Variants in ZFYVE9 observed in about 807,000 individuals in gnomAD.
The protein encoded by ZFYVE9 is zinc finger FYVE-type containing 9.
ZFYVE9 carries 43 observed loss-of-function variants against 126.7 expected under a neutral mutation model. The observed-to-expected ratio is 0.34, with a 90% CI of 0.27 to 0.44. ZFYVE9 has a LOEUF of 0.44. Among genes scored for constraint, ZFYVE9 ranks in the 20% least tolerant of loss-of-function variants. The probability of loss-of-function intolerance (pLI) is 1.00; values close to 1 mark genes in which losing one functional copy is unlikely to be tolerated. For missense variants in ZFYVE9, 1,476 were observed against 1,697.0 expected (o/e 0.87, Z 2.29); for synonymous variants, 521 against 597.4 (o/e 0.87, Z 1.87).
intron 1 of ZFYVE9, among the ~76,000 whole-genome samples, chr1:52,174,295 T>G (rs1342316953): frequency 2.0e-5 from 3 of 151,680 alleles, no homozygotes; most frequent in Non-Finnish European, 4.4e-5. Context: ...TTGTTCAGTT[T>G]CCATGTAGTT....
At chr1:52,316,055 C>G (rs1272351201) in intron 13 of ZFYVE9, among the ~76,000 whole-genome samples, 1 of 145,426 alleles carries the variant, frequency 6.9e-6, no homozygotes, top group Non-Finnish European at 1.5e-5. Context: ...GTCCCACCTA[C>G]TCGGGAGGCT....
chr1:52,245,386 CAGAT>C lies in ZFYVE9; in HGVS notation c.2178+5796_2178+5799del, dbSNP rs369734361. ...GCTGCAGATGCTCTGCAGTGGGAAG[CAGAT>C]AGATTGTGGTGGTGGTGGTGGTTGT... On this transcript the variant is annotated intron_variant, in intron 4 of 18. Coordinates refer to ENST00000287727, the MANE Select transcript of ZFYVE9 (RefSeq NM_004799.4). Among the ~76,000 whole-genome samples, 46 of 152,086 alleles carry C rather than the reference CAGAT, an allele frequency of 3.0e-4. 4 individuals are homozygous for C. In the South Asian group the frequency reaches 8.7e-3, roughly 29 times the overall value.
chr1:52,334,186 GGATTA>G (rs776044153), intron 14 of ZFYVE9, among the ~76,000 whole-genome samples: 263 of 152,138 alleles, frequency 1.7e-3, no homozygotes, highest in Middle Eastern at 0.017. Flanking sequence ...GAAAATCAAT[GGATTA>G]GATTGGGGGT....
intron 13 of ZFYVE9, among the ~76,000 whole-genome samples, chr1:52,318,180 A>G (rs1306667412): frequency 1.3e-5 from 2 of 152,332 alleles, no homozygotes; most frequent in Middle Eastern, 3.4e-3. Context: ...AACAATACAT[A>G]AAATAATAAT....
chr1:52,286,048 TG>T (rs1034815377), intron 10 of ZFYVE9, among the ~76,000 whole-genome samples: 4 of 150,680 alleles, frequency 2.7e-5, no homozygotes, highest in African/African-American at 9.8e-5. Context: ...CCCAGCTACT[TG>T]GGAGGCTGAG....
At chr1:52,195,832 G>A (rs371097055) in intron 1 of ZFYVE9, among the ~76,000 whole-genome samples, 4 of 150,404 alleles carry the variant, frequency 2.7e-5, no homozygotes, top group East Asian at 2.0e-4. Flanking sequence ...TCACTCTGTC[G>A]CCCAGGCTGG....
intron 8 of ZFYVE9, among the ~76,000 whole-genome samples, chr1:52,277,518 T>C (rs899786208): frequency 2.0e-5 from 3 of 152,222 alleles, no homozygotes; most frequent in African/African-American, 7.2e-5. Context: ...TAAAAAATTT[T>C]AAACTCAGGA....
intron 6 of ZFYVE9, 59 bp from the exon 7 acceptor site, chr1:52,268,404 A>T: frequency 6.5e-7 from 1 of 1,545,758 alleles, no homozygotes; most frequent in Non-Finnish European, 8.8e-7. Flanking sequence ...CTCTTCTTTG[A>T]TGTTAGAAAA....
chr1:52,259,681 C>A (rs1264725189), intron 4 of ZFYVE9, among the ~76,000 whole-genome samples: 1 of 151,270 alleles, frequency 6.6e-6, no homozygotes, highest in Non-Finnish European at 1.5e-5. Flanking sequence ...CCTGTAATCC[C>A]AGCTGTTCAG....
At chr1:52,251,159 C>CCT (rs1344773482) in intron 4 of ZFYVE9, among the ~76,000 whole-genome samples, 2 of 152,046 alleles carry the variant, frequency 1.3e-5, no homozygotes, top group Non-Finnish European at 2.9e-5. Flanking sequence ...GCAACCTCTG[C>CCT]CTCTCGGGTT....
At chr1:52,295,300 C>T (rs910021697) in intron 11 of ZFYVE9, among the ~76,000 whole-genome samples, 2 of 150,642 alleles carry the variant, frequency 1.3e-5, no homozygotes, top group African/African-American at 4.9e-5. Context: ...TGGATCGTAT[C>T]AATTCAGTTT....
At chr1:52,333,827 A>T (rs940139628) in intron 14 of ZFYVE9, among the ~76,000 whole-genome samples, 3 of 151,550 alleles carry the variant, frequency 2.0e-5, no homozygotes, top group Non-Finnish European at 4.4e-5. Context: ...ATGGTGGCTC[A>T]CGCCTGTAAT....
intron 1 of ZFYVE9, among the ~76,000 whole-genome samples, chr1:52,212,795 T>C (rs538166507): frequency 7.9e-5 from 12 of 152,300 alleles, no homozygotes; most frequent in African/African-American, 2.9e-4. Flanking sequence ...AGTGTAGTCG[T>C]TTTGTAAAGA....
intron 4 of ZFYVE9, among the ~76,000 whole-genome samples, chr1:52,247,354 C>T (rs1294771438): frequency 6.6e-6 from 1 of 152,094 alleles, no homozygotes; most frequent in Non-Finnish European, 1.5e-5. Context: ...TCTGCTGATA[C>T]ATTCTAAATA....
intron 4 of ZFYVE9, chr1:52,253,732 C>T: frequency 6.2e-7 from 1 of 1,607,966 alleles, no homozygotes; most frequent in East Asian, 2.2e-5. Context: ...ATCTTGCAAA[C>T]CAGGATTTGG....
In ZFYVE9 at chr1:52,160,650, G is replaced by A. The variant is rs577836808; in HGVS notation, c.-143+18247G>A. On this transcript the variant is annotated intron_variant, in intron 1 of 18. Coordinates refer to ENST00000287727, the MANE Select transcript of ZFYVE9 (RefSeq NM_004799.4). ...AGGATGGTGTTGATCTCCTGACCTCGTGATCCGCCTGCGTCGGCCTCCTGC... is the reference window on the plus strand; with the variant it reads ...AGGATGGTGTTGATCTCCTGACCTCATGATCCGCCTGCGTCGGCCTCCTGC... 2.7e-5 allele frequency: 17 copies of A among 622,518 alleles called. No homozygotes were observed. In the South Asian group the frequency reaches 3.2e-4, roughly 12 times the overall value. The allele number at this position is 622,518 out of a possible 1,614,324, so 38.6% of individuals were successfully genotyped here.
Position 52,239,214 on chromosome 1 carries a change from A to G in ZFYVE9, c.1797A>G (p.Leu599=). 6.2e-7 allele frequency: 1 copy of G among 1,614,144 alleles called. No homozygotes were observed. The highest frequency in any genetic ancestry group is 8.5e-7 in the Non-Finnish European group (1 of 1,180,002). Residue 599 remains leucine, a synonymous_variant, in exon 4 of 19, where the codon TTA becomes TTG. Transcript: ENST00000287727. ...TTCCAAAGCCATTATCAGACCATTT[A>G]CAAAATGACTTTCCTGCAAACAGTG... ...LQIPKPLSDH[L]QNDFPANSGN... is the part of the protein sequence containing the mutation.
intron 13 of ZFYVE9, among the ~76,000 whole-genome samples, chr1:52,322,464 G>A (rs552616022): frequency 1.9e-4 from 28 of 144,020 alleles, no homozygotes; most frequent in South Asian, 1.4e-3. Flanking sequence ...TGCAACTTCC[G>A]CCTCCCGGGT....
At chr1:52,260,080 T>C (rs1434802001) in intron 4 of ZFYVE9, among the ~76,000 whole-genome samples, 2 of 152,078 alleles carry the variant, frequency 1.3e-5, no homozygotes, top group African/African-American at 4.8e-5. Flanking sequence ...AACTGTGTGC[T>C]GAGTCATACT....
Sources: allele counts gnomAD v4.1 joint callset (sites outside exome capture counted in the v4.1 genomes callset), GRCh38; gene constraint gnomAD v4.1.1; transcripts MANE v1.5; gene names NCBI Gene and HGNC (gene_info 2026-07-23, HGNC 2026-07-21).